The following FGGY variants were observed in gnomAD, a reference collection of about 807,000 sequenced individuals.
The protein encoded by FGGY is FGGY carbohydrate kinase domain containing.
In FGGY, 72 loss-of-function variants were observed where a neutral mutation model predicts 71.3. The ratio of observed to expected loss-of-function variants is 1.01; its 90% confidence interval spans 0.84 to 1.23. The LOEUF is 1.23. Among genes scored for constraint, FGGY ranks in the 50% most tolerant of loss-of-function variants. The probability of loss-of-function intolerance (pLI) is 0.00; values close to 1 mark genes in which losing one functional copy is unlikely to be tolerated. For missense variants in FGGY, 668 were observed against 682.3 expected, an observed-to-expected ratio of 0.98 and a Z score of 0.23; for synonymous variants, 251 against 250.3, an observed-to-expected ratio of 1.00 and a Z score of -0.02.
At chr1:59,605,075 A>T (rs763392781) in intron 8 of FGGY, among the ~76,000 whole-genome samples, 5 of 152,004 alleles carry the variant, frequency 3.3e-5, no homozygotes, top group African/African-American at 9.7e-5. Context: ...CAACACTCAC[A>T]CTCACCCACC....
intron 5 of FGGY, among the ~76,000 whole-genome samples, chr1:59,430,237 C>T (rs2067098522): frequency 6.6e-6 from 1 of 152,100 alleles, no homozygotes; most frequent in South Asian, 2.1e-4. Flanking sequence ...ATAACTGGAG[C>T]CACTGGCAAA....
intron 4 of FGGY, among the ~76,000 whole-genome samples, chr1:59,346,693 C>G (rs553376724): frequency 2.3e-4 from 35 of 152,122 alleles, no homozygotes; most frequent in Middle Eastern, 3.4e-3. Flanking sequence ...GTTTTGTAGA[C>G]AAGAAAACGA....
chr1:59,590,057 G>C (rs1051237049), intron 8 of FGGY, among the ~76,000 whole-genome samples: 1 of 151,770 alleles, frequency 6.6e-6, no homozygotes, highest in Non-Finnish European at 1.5e-5. Flanking sequence ...TAATAAAGAA[G>C]AAAAGAGAGA....
intron 7 of FGGY, among the ~76,000 whole-genome samples, chr1:59,517,312 C>T (rs2094689076): frequency 8.0e-6 from 1 of 125,512 alleles, no homozygotes; most frequent in Admixed American, 9.8e-5. Context: ...GTCGCCCAGG[C>T]TGGAGTGCAG....
At chr1:59,697,796 C>G in intron 14 of FGGY, 2 of 934,700 alleles carry the variant, frequency 2.1e-6, no homozygotes, top group South Asian at 3.4e-5. Context: ...ACATCACCCC[C>G]TATTTTCTTT....
At chr1:59,483,545 A>G (rs1321391572) in intron 6 of FGGY, among the ~76,000 whole-genome samples, 1 of 152,182 alleles carries the variant, frequency 6.6e-6, no homozygotes, top group Admixed American at 6.5e-5. Context: ...TGTGGTCTTA[A>G]GTCATAAATT....
rs528653646 is a variant in FGGY, at chr1:59,597,750, C to T, written c.904-10053C>T. Among the ~76,000 whole-genome samples the T allele has an allele frequency of 7.2e-5, 11 of 152,326 alleles. No individual in the cohort carries two copies. The East Asian group carries it at 1.7e-3, about 24-fold the overall frequency. ...ACCAAGGTCACACAGCAGAGACTCT[C>T]GGCTGGAGACTGCCCTCAGGCATCC... On this transcript the variant is annotated intron_variant, in intron 8 of 15. Transcript: ENST00000303721.
chr1:59,414,853 C>T (rs2064127725), intron 5 of FGGY, among the ~76,000 whole-genome samples: 1 of 152,184 alleles, frequency 6.6e-6, no homozygotes. Flanking sequence ...GGCTGGAGGC[C>T]AGAGGCAGAA....
chr1:59,565,084 A>G (rs952003439), intron 8 of FGGY, among the ~76,000 whole-genome samples: 10 of 152,168 alleles, frequency 6.6e-5, no homozygotes, highest in Non-Finnish European at 1.0e-4. Flanking sequence ...ATGGGAGTGG[A>G]AAGTTCTGGA....
At chr1:59,629,878 A>G (rs1331307428) in intron 10 of FGGY, among the ~76,000 whole-genome samples, 1 of 152,168 alleles carries the variant, frequency 6.6e-6, no homozygotes, top group African/African-American at 2.4e-5. Context: ...AATATATTTG[A>G]CGGGGCCTTG....
chr1:59,631,788 T>A (rs751370742), intron 10 of FGGY, among the ~76,000 whole-genome samples: 5 of 152,204 alleles, frequency 3.3e-5, no homozygotes, highest in Non-Finnish European at 7.3e-5. Context: ...AGCTTATAAA[T>A]TAAGTAAACA....
intron 4 of FGGY, among the ~76,000 whole-genome samples, chr1:59,371,431 G>C (rs1267862210): frequency 6.6e-6 from 1 of 152,044 alleles, no homozygotes; most frequent in Admixed American, 6.6e-5. Flanking sequence ...ACTACAAAGA[G>C]ACTTAGACTC....
chr1:59,381,475 C>T (rs920325144), intron 5 of FGGY, among the ~76,000 whole-genome samples: 1 of 151,930 alleles, frequency 6.6e-6, no homozygotes, highest in Non-Finnish European at 1.5e-5. Context: ...AGCTGAGATA[C>T]AAACATACAC....
intron 9 of FGGY, among the ~76,000 whole-genome samples, chr1:59,617,308 T>C (rs775020851): frequency 3.3e-5 from 5 of 152,044 alleles, no homozygotes; most frequent in Admixed American, 2.6e-4. Flanking sequence ...TTAAAAACCA[T>C]GGATTTTAAA....
At chr1:59,359,932 C>G (rs1015075736) in intron 4 of FGGY, among the ~76,000 whole-genome samples, 6 of 152,110 alleles carry the variant, frequency 3.9e-5, no homozygotes, top group African/African-American at 1.4e-4. Flanking sequence ...GCCTCCGTTT[C>G]TCATTATGGC....
At chr1:59,305,728 A>G (rs1410548256) in intron 1 of FGGY, among the ~76,000 whole-genome samples, 1 of 152,202 alleles carries the variant, frequency 6.6e-6, no homozygotes, top group Non-Finnish European at 1.5e-5. Flanking sequence ...GAATAGAACT[A>G]TTCCTGGCCT....
At chr1:59,752,647 T>C (rs1558993188) in intron 14 of FGGY, among the ~76,000 whole-genome samples, 1 of 152,178 alleles carries the variant, frequency 6.6e-6, no homozygotes, top group Non-Finnish European at 1.5e-5. Context: ...GGTAACTCAC[T>C]CCAACATGGC....
At chr1:59,736,566 G>A (rs2098106251) in intron 14 of FGGY, among the ~76,000 whole-genome samples, 1 of 152,180 alleles carries the variant, frequency 6.6e-6, no homozygotes, top group Non-Finnish European at 1.5e-5. Flanking sequence ...TTTCAGCAAA[G>A]AGACTAGCGG....
intron 1 of FGGY, chr1:59,316,452 T>C (rs753385077): frequency 1.9e-4 from 29 of 152,170 alleles, no homozygotes; most frequent in Admixed American, 1.0e-3. Context: ...GGTTTTTAGC[T>C]CAGTATTTGT....
Sources: gnomAD v4.1 joint callset for allele counts (sites outside exome capture counted in the v4.1 genomes callset) on GRCh38, gnomAD v4.1.1 for gene constraint, MANE v1.5 for transcripts, NCBI Gene and HGNC (gene_info 2026-07-23, HGNC 2026-07-21) for gene names.